GTF3C3: variants seen among roughly 807,000 people sequenced by gnomAD.
The protein encoded by GTF3C3 is general transcription factor IIIC subunit 3.
A neutral mutation model predicts 105.2 loss-of-function variants in GTF3C3; 75 were observed. The ratio of observed to expected loss-of-function variants is 0.71; its 90% CI spans 0.59 to 0.86. The LOEUF (loss-of-function observed/expected upper bound fraction) is 0.86. Among genes scored for constraint, GTF3C3 ranks in the 40% least tolerant of loss-of-function variants. The probability of loss-of-function intolerance (pLI) is 0.00; values close to 1 mark genes in which losing one functional copy is unlikely to be tolerated. For missense variants in GTF3C3, 856 were observed against 1,076.5 expected, an observed-to-expected ratio of 0.80 and a Z score of 2.87; for synonymous variants, 335 against 370.4, an observed-to-expected ratio of 0.90 and a Z score of 1.10.
intron 8 of GTF3C3, among the ~76,000 whole-genome samples, chr2:196,782,691 A>G (rs1699387101): frequency 6.6e-6 from 1 of 152,196 alleles, no homozygotes; most frequent in African/African-American, 2.4e-5. Context: ...ACTATATTTA[A>G]AAAGGTAAGG....
rs769814417 is a variant in GTF3C3, at chr2:196,791,487, A to C, written c.412-27T>G. On this transcript the variant is annotated intron_variant, in intron 3 of 17. Transcript: ENST00000263956. ...TGTATGGAAGAAAAATGACATTTAG[A>C]TTAAAATATAGTGAAGTCTTAGATT... 7.9e-5 allele frequency: 125 copies of C among 1,586,854 alleles called. 1 individual carries two copies. The Admixed American group carries it at 2.1e-3, about 27-fold the overall frequency.
chr2:196,772,021 C>G, intron 14 of GTF3C3, 83 bp from the exon 15 acceptor site: 25 of 851,822 alleles, frequency 2.9e-5, no homozygotes, highest in Non-Finnish European at 4.7e-5. Context: ...CAGTGCTGTC[C>G]TACCAGCACT....
Position 196,769,915 on chromosome 2 carries a change from C to G in GTF3C3, c.2385G>C (p.Gln795His), listed in dbSNP as rs763510489. 1.2e-6 allele frequency: 2 copies of G among 1,604,916 alleles called. No individual in the cohort carries two copies. Among genetic ancestry groups the G allele is most frequent in the Non-Finnish European group, 1.7e-6 (2 of 1,173,760 alleles). ...YVLRRHALIV[Q>H]GFSFLNRYLS... ...GTAACGAGAAATTTGAATGAATTAC[C>G]TGTACAATAAGAGCATGTCTCCGTA... The change falls in exon 16 of 18, where the codon CAG becomes CAC. Residue 795 changes from glutamine to histidine, a missense_variant and splice_region_variant. Physicochemically the swap from Gln to His is conservative, Grantham distance 24. Coordinates refer to ENST00000263956, the MANE Select transcript of GTF3C3 (RefSeq NM_012086.5).
intron 6 of GTF3C3, among the ~76,000 whole-genome samples, chr2:196,788,899 T>A (rs889732766): frequency 6.6e-6 from 1 of 151,716 alleles, no homozygotes; most frequent in African/African-American, 2.4e-5. Context: ...ACCCTGTCTC[T>A]ACAAAAAAAA....
chr2:196,780,484 T>G lies in GTF3C3; in HGVS notation c.1218+75A>C, dbSNP rs746132925. On this transcript the variant is annotated intron_variant, in intron 9 of 17. Transcript: ENST00000263956. Reference sequence around the variant, plus strand: ...AATGTGAAACTCTAGGGTCAAGTTATAATTTCTTGACATCTAAAGAAAAGA... The same window carrying G: ...AATGTGAAACTCTAGGGTCAAGTTAGAATTTCTTGACATCTAAAGAAAAGA... 6 of 1,488,358 alleles carry G rather than the reference T, an allele frequency of 4.0e-6. No homozygotes were observed. The African/African-American group carries it at 4.1e-5, about 10-fold the overall frequency. 92.2% of individuals were successfully genotyped at this position (1,488,358 alleles called of 1,614,324 possible). A position where few individuals can be genotyped will look rare whatever the true frequency, so the allele number is the denominator to read the frequency against.
intron 8 of GTF3C3, chr2:196,784,648 G>C (rs909943494): frequency 6.9e-5 from 13 of 188,406 alleles, no homozygotes; most frequent in Non-Finnish European, 1.1e-4. Flanking sequence ...GGACATACAG[G>C]GACTCAAAAC....
intron 6 of GTF3C3, among the ~76,000 whole-genome samples, chr2:196,788,313 G>C (rs762149332): frequency 6.6e-6 from 1 of 152,202 alleles, no homozygotes; most frequent in African/African-American, 2.4e-5. Flanking sequence ...GTTACTCCTA[G>C]AACAAAATAT....
chr2:196,775,379 G>A (rs541049474), intron 12 of GTF3C3, 128 bp from the exon 13 acceptor site: 18 of 693,322 alleles, frequency 2.6e-5, no homozygotes, highest in Middle Eastern at 3.2e-4. Flanking sequence ...CCTTAGCCTC[G>A]CAAGTAGCTG....
intron 17 of GTF3C3, 121 bp downstream of exon 17, chr2:196,766,444 T>C (rs1699070706): frequency 1.4e-6 from 1 of 722,278 alleles, no homozygotes. Context: ...TACGTAAACA[T>C]ACTGAATAAG....
chr2:196,785,406 C>G, intron 7 of GTF3C3, 35 bp downstream of exon 7: 1 of 1,290,134 alleles, frequency 7.8e-7, no homozygotes, highest in Non-Finnish European at 1.0e-6. Context: ...GAAACACATG[C>G]AAAACTTAAC....
chr2:196,770,779 G>A (rs1699158306), intron 15 of GTF3C3, among the ~76,000 whole-genome samples: 1 of 152,020 alleles, frequency 6.6e-6, no homozygotes, highest in Admixed American at 6.6e-5. Flanking sequence ...CAGCAAAGAT[G>A]GTAGACTGCC....
chr2:196,766,481 A>G (rs1699071379), intron 17 of GTF3C3, 84 bp downstream of exon 17: 2 of 992,146 alleles, frequency 2.0e-6, no homozygotes, highest in East Asian at 2.4e-5. Context: ...TATACGAGCT[A>G]TAATTTACTG....
chr2:196,780,441 C>T, intron 9 of GTF3C3, 118 bp downstream of exon 9: 2 of 1,358,134 alleles, frequency 1.5e-6, no homozygotes, highest in Non-Finnish European at 1.9e-6. Flanking sequence ...CTTATTGTTA[C>T]CTCCTTGGTT....
rs1297376127 is a variant in GTF3C3, at chr2:196,766,633, A to G, written c.2470T>C (p.Leu824=). 4 of 1,613,358 alleles carry G rather than the reference A, an allele frequency of 2.5e-6. No homozygotes were observed. In the South Asian group the frequency reaches 3.3e-5, roughly 13 times the overall value. ...TGGATTGCAAGATGAATCAGCCCCAACTGATGAAGGCCACGGCCCAAATTG... is the reference window on the plus strand; with the variant it reads ...TGGATTGCAAGATGAATCAGCCCCAGCTGATGAAGGCCACGGCCCAAATTG... ...FYNLGRGLHQ[L]GLIHLAIHYY... is the part of the protein sequence containing the mutation. Residue 824 remains leucine (L), a synonymous_variant, in exon 17 of 18, where the codon TTG becomes CTG. Transcript: ENST00000263956.
At position 196,767,946 on chromosome 2, in the gene GTF3C3, T is replaced by C. The variant is rs530621993; in HGVS notation, c.2386-1229A>G. On this transcript the variant is annotated intron_variant, in intron 16 of 17. Transcript: ENST00000263956. ...AAATAATATTTAGTGATTTAAAAAC[T>C]AGCCAATGTGGGTAGCCACTTTGTA... 9.2e-5 allele frequency among the ~76,000 whole-genome samples: 14 copies of C among 152,352 alleles called. No individual in the cohort carries two copies. In the South Asian group the frequency reaches 2.9e-3, roughly 32 times the overall value.
In GTF3C3 at chr2:196,764,375, A is replaced by G; in HGVS notation, c.*188T>C. 2.1e-6 allele frequency: 1 copy of G among 475,978 alleles called. No individual in the cohort carries two copies. The highest frequency in any genetic ancestry group is 3.4e-5 in the East Asian group (1 of 29,810). 29.5% of individuals were successfully genotyped at this position (475,978 alleles called of 1,614,324 possible). A position where few individuals can be genotyped will look rare whatever the true frequency, so the allele number is the denominator to read the frequency against. Reference sequence around the variant, plus strand: ...AGGAAAATGACAGACCAATATACAAATTTTTGTAGGAATAATTTTGCATAT... The same window carrying G: ...AGGAAAATGACAGACCAATATACAAGTTTTTGTAGGAATAATTTTGCATAT... On this transcript the variant is annotated 3_prime_UTR_variant, in exon 18 of 18. Transcript: ENST00000263956.
chr2:196,796,990 A>C (rs1484616395), intron 2 of GTF3C3, among the ~76,000 whole-genome samples: 1 of 152,148 alleles, frequency 6.6e-6, no homozygotes, highest in Non-Finnish European at 1.5e-5. Flanking sequence ...TTTTCTGCCC[A>C]TGCTATGACT....
chr2:196,799,172 G>A (rs1699701950), intron 1 of GTF3C3: 1 of 218,918 alleles, frequency 4.6e-6, no homozygotes, highest in African/African-American at 2.3e-5. Flanking sequence ...AAACGACTTA[G>A]TGGCAAAGCT....
At chr2:196,797,959 C>G in intron 1 of GTF3C3, 51 bp from the exon 2 acceptor site, 1 of 1,025,862 alleles carries the variant, frequency 9.7e-7, no homozygotes, top group South Asian at 1.3e-5. Flanking sequence ...AGACTTAGCT[C>G]TCCCCAGCCA....
Sources: gnomAD v4.1 joint callset for allele counts (sites outside exome capture counted in the v4.1 genomes callset) on GRCh38, gnomAD v4.1.1 for gene constraint, MANE v1.5 for transcripts, NCBI Gene and HGNC (gene_info 2026-07-23, HGNC 2026-07-21) for gene names.